The following ZNF853 variants were observed in gnomAD, a reference collection of about 807,000 sequenced individuals.
ZNF853 encodes zinc finger protein 853.
ZNF853 carries 57 observed loss-of-function variants against 94.7 expected under a neutral mutation model. That is an observed-to-expected ratio of 0.60 (90% CI 0.49 to 0.75). ZNF853 has a LOEUF of 0.75. Among genes scored for constraint, ZNF853 ranks in the 30% least tolerant of loss-of-function variants. ZNF853 has a pLI of 0.00. For missense variants in ZNF853, 785 were observed against 868.9 expected, an observed-to-expected ratio of 0.90 and a Z score of 1.21; for synonymous variants, 448 against 406.3, an observed-to-expected ratio of 1.10 and a Z score of -1.23.
rs1339624510 is a variant in ZNF853 at position 6,622,473 on chromosome 7, C to T, written c.1482C>T (p.Phe494=). 1 of 1,531,782 alleles carries T rather than the reference C, an allele frequency of 6.5e-7. No individual in the cohort carries two copies. Among genetic ancestry groups the T allele is most frequent in the Non-Finnish European group, 8.8e-7 (1 of 1,140,950 alleles). The allele number at this position is 1,531,782 out of a possible 1,614,324, so 94.9% of individuals were successfully genotyped here. A position where few individuals can be genotyped will look rare whatever the true frequency, so the allele number is the denominator to read the frequency against. Residue 494 remains phenylalanine (F), a synonymous_variant, in exon 3 of 3, where the codon TTC becomes TTT. Transcript: ENST00000457543. ...PTICGECGKG[F]SRSTDLVRHQ... Reference sequence around the variant, plus strand: ...TCTGCGGGGAGTGCGGCAAGGGCTTCAGCCGCAGCACGGACCTGGTGCGCC... The same window carrying T: ...TCTGCGGGGAGTGCGGCAAGGGCTTTAGCCGCAGCACGGACCTGGTGCGCC...
rs1782487951 is a variant in ZNF853 at position 6,615,772 on chromosome 7, C to T, written c.-403C>T. 1 of 147,558 alleles carries T rather than the reference C, an allele frequency of 6.8e-6. No individual in the cohort carries two copies. The highest frequency in any genetic ancestry group is 2.0e-4 in the South Asian group (1 of 5,120). The allele number at this position is 147,558 out of a possible 1,614,324, so 9.1% of individuals were successfully genotyped here. A position where few individuals can be genotyped will look rare whatever the true frequency, so the allele number is the denominator to read the frequency against. On this transcript the variant is annotated 5_prime_UTR_variant, in exon 1 of 3. Transcript: ENST00000457543. The surrounding 1 kb of genome is among the most constrained non-coding windows in gnomAD (Gnocchi z 8.5). ...TCCGGGCACCTGTAGCCCCCGAGGA[C>T]CCGCGTCGCCTGGCCGCCGCCGACC... is the stretch of plus-strand genomic sequence containing the variant.
At position 6,622,882 on chromosome 7, in the gene ZNF853, C is replaced by G. The variant is rs1367871203; in HGVS notation, c.1891C>G (p.Leu631Val). The G allele has an allele frequency of 6.2e-6, 8 of 1,287,832 alleles. No individual in the cohort carries two copies. Among genetic ancestry groups the G allele is most frequent in the Non-Finnish European group, 6.9e-6 (7 of 1,019,498 alleles). 79.8% of individuals were successfully genotyped at this position (1,287,832 alleles called of 1,614,324 possible). The change falls in exon 3 of 3, where the codon CTG (leucine) becomes GTG (valine). Residue 631 changes from leucine to valine, a missense_variant. By Grantham distance (32) the Leu-to-Val change is conservative. Coordinates refer to ENST00000457543, the MANE Select transcript of ZNF853 (RefSeq NM_017560.3). Reference protein sequence around the residue: ...GAGRSRGLGLLRASRPAALGG... With the variant: ...GAGRSRGLGLVRASRPAALGG... Reference sequence around the variant, plus strand: ...GGGCCGCTCCAGGGGCCTCGGCCTGCTGCGCGCCTCGCGGCCGGCGGCCCT... The same window carrying G: ...GGGCCGCTCCAGGGGCCTCGGCCTGGTGCGCGCCTCGCGGCCGGCGGCCCT...
At position 6,617,231 on chromosome 7, in the gene ZNF853, G is replaced by GTTA; in HGVS notation, c.54_55insTTA (p.Val18_Gly19insLeu). ...GGGGTCTGACCGCCAGGATGGAAGT[G>GTTA]GGGCCAGCCACCGAGACCTTCGTGC... On this transcript the variant is annotated inframe_insertion, in exon 2 of 3. Transcript: ENST00000457543. 6.5e-7 allele frequency: 1 copy of GTTA among 1,531,576 alleles called. No homozygotes were observed. The allele number at this position is 1,531,576 out of a possible 1,614,324, so 94.9% of individuals were successfully genotyped here.
intron 1 of ZNF853, among the ~76,000 whole-genome samples, chr7:6,616,488 C>G: frequency 1.3e-5 from 2 of 152,176 alleles, no homozygotes; most frequent in African/African-American, 4.8e-5. Context: ...TCCTATAATC[C>G]CAACACTTTA....
Position 6,622,269 on chromosome 7 carries a change from C to CCCGGGGGCT in ZNF853, c.1283_1291dup (p.Gly428_Pro430dup). The CCCGGGGGCT allele has an allele frequency of 6.6e-7, 1 of 1,505,800 alleles. No homozygotes were observed. The highest frequency in any genetic ancestry group is 2.2e-5 in the Admixed American group (1 of 45,826). 93.3% of individuals were successfully genotyped at this position (1,505,800 alleles called of 1,614,324 possible). On this transcript the variant is annotated inframe_insertion, in exon 3 of 3. Transcript: ENST00000457543. ...CCGCAGGGGGCGGCGGAGCGGCGGTCCCGGGGGCTCCGGCCGCGGTCGTGG... is the reference window on the plus strand; with the variant it reads ...CCGCAGGGGGCGGCGGAGCGGCGGTCCCGGGGGCTCCGGGGGCTCCGGCCGCGGTCGTGG...
At position 6,623,182 on chromosome 7, in the gene ZNF853, A is replaced by G. The variant is rs2115293046; in HGVS notation, c.*211A>G. 1.1e-5 allele frequency: 5 copies of G among 455,328 alleles called. No individual in the cohort carries two copies. In the Admixed American group the frequency reaches 1.3e-4, roughly 12 times the overall value. The allele number at this position is 455,328 out of a possible 1,614,324, so 28.2% of individuals were successfully genotyped here. ...CCGCCAGAAAAATCCATCCGCCAAA[A>G]GAGAAGTGGACCGGGGCTGAAACAG... On this transcript the variant is annotated 3_prime_UTR_variant, in exon 3 of 3. Coordinates refer to ENST00000457543, the MANE Select transcript of ZNF853 (RefSeq NM_017560.3).
At position 6,622,775 on chromosome 7, in the gene ZNF853, G is replaced by T. The variant is rs1782660711; in HGVS notation, c.1784G>T (p.Arg595Leu). The T allele has an allele frequency of 8.4e-6, 13 of 1,542,306 alleles. No individual in the cohort carries two copies. The highest frequency in any genetic ancestry group is 1.4e-5 in the African/African-American group (1 of 72,996). ...CACCGGCGCACGCACTCGGGCGAGC[G>T]GCCCTACGTGTGCGAGGACTGTGGC... is the stretch of plus-strand genomic sequence containing the variant. ...LRHRRTHSGE[R>L]PYVCEDCGER... is the part of the protein sequence containing the mutation. The change falls in exon 3 of 3, where the codon CGG becomes CTG. Residue 595 changes from arginine to leucine, a missense_variant. Transcript: ENST00000457543.
At chr7:6,618,186 A>T in intron 2 of ZNF853, among the ~76,000 whole-genome samples, 5 of 151,954 alleles carry the variant, frequency 3.3e-5, no homozygotes, top group Admixed American at 1.3e-4. Context: ...AATCTCAGCT[A>T]CTCGGGAGGC....
chr7:6,616,022 G>A lies in ZNF853; in HGVS notation c.-153G>A. 1 of 640,324 alleles carries A rather than the reference G, an allele frequency of 1.6e-6. No individual in the cohort carries two copies. The allele number at this position is 640,324 out of a possible 1,614,324, so 39.7% of individuals were successfully genotyped here. On this transcript the variant is annotated 5_prime_UTR_variant, in exon 1 of 3. Transcript: ENST00000457543. The stretch of plus-strand genomic sequence containing the variant: ...CAGCCCAGAGGGCGTGGACCCTCCG[G>A]AGTGCCCAGAAAGCCCCCGGGGTGG...
intron 1 of ZNF853, among the ~76,000 whole-genome samples, chr7:6,616,882 C>A: frequency 6.6e-6 from 1 of 152,140 alleles, no homozygotes; most frequent in African/African-American, 2.4e-5. Context: ...AGGGCTGATA[C>A]CCACAGTTGT....
In ZNF853 at chr7:6,622,029, G is replaced by A. The variant is rs998433512; in HGVS notation, c.1038G>A (p.Gln346=). ...AGCGGCAGGAGTTGGAGCGGCAGCAGGAGCTGGAACGGCAGCAGGAGCAGC... is the reference window on the plus strand; with the variant it reads ...AGCGGCAGGAGTTGGAGCGGCAGCAAGAGCTGGAACGGCAGCAGGAGCAGC... ...EQQRQELERQ[Q]ELERQQEQRQ... is the part of the protein sequence containing the mutation. Residue 346 remains glutamine, a synonymous_variant, in exon 3 of 3, where the codon CAG becomes CAA. Coordinates refer to ENST00000457543, the MANE Select transcript of ZNF853 (RefSeq NM_017560.3). The A allele has an allele frequency of 3.2e-6, 5 of 1,549,052 alleles. No homozygotes were observed. Among genetic ancestry groups the A allele is most frequent in the Non-Finnish European group, 4.4e-6 (5 of 1,146,554 alleles).
chr7:6,622,891 T>C lies in ZNF853; in HGVS notation c.1900T>C (p.Ser634Pro). The C allele has an allele frequency of 1.6e-6, 2 of 1,263,234 alleles. No individual in the cohort carries two copies. The highest frequency in any genetic ancestry group is 2.5e-5 in the South Asian group (1 of 40,692). 78.3% of individuals were successfully genotyped at this position (1,263,234 alleles called of 1,614,324 possible). ...CAGGGGCCTCGGCCTGCTGCGCGCC[T>C]CGCGGCCGGCGGCCCTCGGTGGCCC... ...RSRGLGLLRASRPAALGGPAR... is the reference protein window; with the variant it reads ...RSRGLGLLRAPRPAALGGPAR... The change falls in exon 3 of 3, where the codon TCG becomes CCG. Residue 634 changes from serine to proline, a missense_variant. Coordinates refer to ENST00000457543, the MANE Select transcript of ZNF853 (RefSeq NM_017560.3).
intron 2 of ZNF853, among the ~76,000 whole-genome samples, chr7:6,617,960 G>A: frequency 6.6e-6 from 1 of 152,094 alleles, no homozygotes; most frequent in Non-Finnish European, 1.5e-5. Context: ...GCTTGAAAAG[G>A]ACCAAGGGAA....
At position 6,615,647 on chromosome 7, in the gene ZNF853, C is replaced by CCGGG. The variant is rs1367353413; in HGVS notation, c.-517_-514dup. Reference sequence around the variant, plus strand: ...GCCAGCGGCCCGCACGGACGCACTCCCGGGCGGGCGGGCGAGCCCAGGGGG... The same window carrying CCGGG: ...GCCAGCGGCCCGCACGGACGCACTCCCGGGCGGGCGGGCGGGCGAGCCCAGGGGG... On this transcript the variant is annotated 5_prime_UTR_variant, in exon 1 of 3. Coordinates refer to ENST00000457543, the MANE Select transcript of ZNF853 (RefSeq NM_017560.3). This position sits in a 1 kb window ranked among gnomAD's most constrained non-coding sequence, Gnocchi z 8.5. The CCGGG allele has an allele frequency of 2.7e-5, 4 of 145,478 alleles. No homozygotes were observed. In the East Asian group the frequency reaches 6.0e-4, roughly 22 times the overall value. The allele number at this position is 145,478 out of a possible 1,614,324, so 9.0% of individuals were successfully genotyped here.
intron 1 of ZNF853, among the ~76,000 whole-genome samples, chr7:6,616,403 G>A: frequency 6.6e-6 from 1 of 152,180 alleles, no homozygotes; most frequent in Non-Finnish European, 1.5e-5. Context: ...GCTGACACAC[G>A]TGGCCTGCTG....
intron 2 of ZNF853, chr7:6,617,754 T>A: frequency 3.9e-6 from 2 of 516,908 alleles, no homozygotes; most frequent in Non-Finnish European, 5.0e-6. Flanking sequence ...TTTTCCACTT[T>A]AGCTTGACCT....
chr7:6,616,889 T>G, intron 1 of ZNF853, among the ~76,000 whole-genome samples: 1 of 152,036 alleles, frequency 6.6e-6, no homozygotes, highest in African/African-American at 2.4e-5. Context: ...ATACCCACAG[T>G]TGTGTCTCTG....
chr7:6,620,257 G>A, intron 2 of ZNF853, among the ~76,000 whole-genome samples: 10 of 152,118 alleles, frequency 6.6e-5, no homozygotes, highest in Non-Finnish European at 1.2e-4. Context: ...TAACACCTCC[G>A]GGCAGCTTTA....
At chr7:6,620,893 C>T in intron 2 of ZNF853, among the ~76,000 whole-genome samples, 1 of 152,234 alleles carries the variant, frequency 6.6e-6, no homozygotes, top group African/African-American at 2.4e-5. Context: ...GGATTACAGG[C>T]GTGAGCCACT....
Sources: allele counts gnomAD v4.1 joint callset (sites outside exome capture counted in the v4.1 genomes callset), GRCh38; gene constraint gnomAD v4.1.1; non-coding constraint Gnocchi (gnomAD v3.1); transcripts MANE v1.5; gene names NCBI Gene and HGNC (gene_info 2026-07-23, HGNC 2026-07-21).